Variants in ABHD12 observed in about 807,000 individuals in gnomAD.
ABHD12 encodes abhydrolase domain containing 12, lysophospholipase.
ABHD12 carries 43 observed loss-of-function variants against 58.3 expected under a neutral mutation model. The observed-to-expected ratio is 0.74, with a 90% CI of 0.58 to 0.95. The LOEUF is 0.95. Among genes scored for constraint, ABHD12 ranks in the 40% least tolerant of loss-of-function variants. The pLI, the probability that ABHD12 is intolerant of heterozygous loss-of-function variation, is 0.00. For missense variants in ABHD12, 539 were observed against 537.2 expected, an observed-to-expected ratio of 1.00 and a Z score of -0.03; for synonymous variants, 219 against 211.2, an observed-to-expected ratio of 1.04 and a Z score of -0.32.
intron 5 of ABHD12, among the ~76,000 whole-genome samples, chr20:25,315,908 G>A (rs753985908): frequency 6.6e-6 from 1 of 152,216 alleles, no homozygotes; most frequent in Non-Finnish European, 1.5e-5. Context: ...CTGAGGGGAG[G>A]AGAGTGAGGC....
At chr20:25,307,014 T>A in intron 9 of ABHD12, 99 bp from the exon 10 acceptor site, 1 of 896,028 alleles carries the variant, frequency 1.1e-6, no homozygotes. Flanking sequence ...CTATAAGGCG[T>A]TGCCCATAAC....
chr20:25,382,277 G>A (rs1483554270), intron 1 of ABHD12, among the ~76,000 whole-genome samples: 8 of 151,912 alleles, frequency 5.3e-5, no homozygotes, highest in East Asian at 1.9e-4. Context: ...GTTTGGTTCC[G>A]GCATCCTGGC....
chr20:25,319,539 C>A (rs1192567811), intron 4 of ABHD12, among the ~76,000 whole-genome samples: 3 of 152,224 alleles, frequency 2.0e-5, no homozygotes, highest in Non-Finnish European at 4.4e-5. Context: ...TCCTCCAGGG[C>A]TGCCCTGGCT....
chr20:25,320,903 T>C (rs761072858), intron 3 of ABHD12, among the ~76,000 whole-genome samples: 2 of 152,206 alleles, frequency 1.3e-5, no homozygotes, highest in Non-Finnish European at 2.9e-5. Flanking sequence ...CTGGTCTATC[T>C]AGCCAAACCC....
intron 1 of ABHD12, among the ~76,000 whole-genome samples, chr20:25,374,298 T>C (rs2089935534): frequency 1.3e-5 from 2 of 152,046 alleles, no homozygotes; most frequent in Non-Finnish European, 2.9e-5. Context: ...GGTTCTCTTT[T>C]CCCCAGGTTT....
chr20:25,351,979 T>C (rs2089606266), intron 1 of ABHD12, among the ~76,000 whole-genome samples: 2 of 152,138 alleles, frequency 1.3e-5, no homozygotes, highest in South Asian at 4.1e-4. Flanking sequence ...ACAACCACAT[T>C]TGATTATTTT....
chr20:25,356,617 T>C (rs796516935), intron 1 of ABHD12, among the ~76,000 whole-genome samples: 2 of 152,282 alleles, frequency 1.3e-5, no homozygotes, highest in African/African-American at 4.8e-5. Context: ...CCTGGTTCCT[T>C]TGACGGGGGA....
intron 1 of ABHD12, among the ~76,000 whole-genome samples, chr20:25,347,662 T>TAA (rs36051321): frequency 4.0e-5 from 6 of 149,718 alleles, no homozygotes; most frequent in Admixed American, 6.7e-5. Context: ...TCTGTCTCTA[T>TAA]AAAAAAAAAA....
In ABHD12 at chr20:25,309,452, C is replaced by A. The variant is rs770477042; in HGVS notation, c.743G>T (p.Gly248Val). The A allele has an allele frequency of 1.2e-6, 2 of 1,614,114 alleles. No individual in the cohort carries two copies. The highest frequency in any genetic ancestry group is 2.2e-5 in the East Asian group (1 of 44,888). Residue 248 changes from glycine (G) to valine (V), a missense_variant, in exon 7 of 13, where the codon GGC (glycine) becomes GTC (valine). By Grantham distance (109) the Gly-to-Val change is moderately radical (BLOSUM62 -3). Coordinates refer to ENST00000339157, the MANE Select transcript of ABHD12 (RefSeq NM_001042472.3). ...NPVYIWGHSL[G>V]TGVATNLVRR... ...TCCTGCTGGGGTCCCTTACCCAGTG[C>A]CCAGAGAGTGGCCCCAGATGTACAC...
At chr20:25,356,873 C>T (rs2146077302) in intron 1 of ABHD12, among the ~76,000 whole-genome samples, 1 of 152,268 alleles carries the variant, frequency 6.6e-6, no homozygotes, top group Non-Finnish European at 1.5e-5. Flanking sequence ...ACAGTGCACG[C>T]ACCTGTAATC....
At chr20:25,381,416 C>A (rs2090020334) in intron 1 of ABHD12, among the ~76,000 whole-genome samples, 1 of 152,130 alleles carries the variant, frequency 6.6e-6, no homozygotes, top group Non-Finnish European at 1.5e-5. Flanking sequence ...GTAACAGGTA[C>A]TCAAACTGTT....
At chr20:25,375,484 C>G (rs2089951285) in intron 1 of ABHD12, among the ~76,000 whole-genome samples, 1 of 152,198 alleles carries the variant, frequency 6.6e-6, no homozygotes, top group African/African-American at 2.4e-5. Flanking sequence ...CCCAGGGTCT[C>G]TCTCTGTGTT....
chr20:25,387,856 C>A (rs1376787794), intron 1 of ABHD12, among the ~76,000 whole-genome samples: 1 of 151,958 alleles, frequency 6.6e-6, no homozygotes, highest in Non-Finnish European at 1.5e-5. Flanking sequence ...GCCTGGCCAA[C>A]ATGGTGAAAC....
intron 1 of ABHD12, among the ~76,000 whole-genome samples, chr20:25,375,016 G>C (rs967915994): frequency 2.6e-5 from 4 of 152,160 alleles, no homozygotes; most frequent in Non-Finnish European, 5.9e-5. Context: ...GGGTCTTAAG[G>C]AGGTAATTAT....
At chr20:25,339,763 C>T (rs1010943189) in intron 1 of ABHD12, 19 of 1,290,804 alleles carry the variant, frequency 1.5e-5, no homozygotes, top group Non-Finnish European at 1.7e-5. Context: ...TGCAGGCAGG[C>T]GTAGGTTACT....
At chr20:25,388,428 T>C (rs1293121978) in intron 1 of ABHD12, among the ~76,000 whole-genome samples, 1 of 152,088 alleles carries the variant, frequency 6.6e-6, no homozygotes, top group Non-Finnish European at 1.5e-5. Context: ...GAGCAAAAAT[T>C]ACAATCTCGA....
At chr20:25,347,526 G>A (rs1376208308) in intron 1 of ABHD12, among the ~76,000 whole-genome samples, 1 of 151,970 alleles carries the variant, frequency 6.6e-6, no homozygotes, top group Non-Finnish European at 1.5e-5. Flanking sequence ...TCAGTGTTAT[G>A]GTCAAGGATA....
At chr20:25,390,431 G>T in intron 1 of ABHD12, 82 bp downstream of exon 1, 1 of 1,294,140 alleles carries the variant, frequency 7.7e-7, no homozygotes, top group Non-Finnish European at 9.9e-7. Context: ...GGGCTGGGAG[G>T]TACCGCGGCC....
intron 1 of ABHD12, 108 bp downstream of exon 1, chr20:25,390,405 A>C: frequency 4.5e-6 from 5 of 1,107,272 alleles, no homozygotes; most frequent in Non-Finnish European, 5.8e-6. Context: ...GATCGGGCGG[A>C]CGGCCACTCT....
Sources: gnomAD v4.1 joint callset for allele counts (sites outside exome capture counted in the v4.1 genomes callset) on GRCh38, gnomAD v4.1.1 for gene constraint, MANE v1.5 for transcripts, NCBI Gene and HGNC (gene_info 2026-07-23, HGNC 2026-07-21) for gene names.